Variants in TNXB observed in about 807,000 individuals in gnomAD.
TNXB encodes the protein tenascin-X.
TNXB carries 183 observed loss-of-function variants against 340.5 expected under a neutral mutation model. The ratio of observed to expected loss-of-function variants is 0.54; its 90% CI spans 0.48 to 0.61. The LOEUF (loss-of-function observed/expected upper bound fraction) is 0.61. TNXB is among the 20% of genes least tolerant of loss of function. The pLI is 0.00. For synonymous variants in TNXB, 2,121 were observed against 2,314.5 expected, an observed-to-expected ratio of 0.92 and a Z score of 2.40; for missense variants, 4,613 against 5,446.4, an observed-to-expected ratio of 0.85 and a Z score of 4.82.
chr6:32,062,106 G>A lies in TNXB; in HGVS notation c.7168+51C>T. ...CCCACCAGTCATCACCAAAGAGCAA[G>A]AGGGTGACCCTCCCATGGCTCCCAC... On this transcript the variant is annotated intron_variant, in intron 20 of 43. Coordinates refer to ENST00000644971, the MANE Select transcript of TNXB (RefSeq NM_001365276.2). The surrounding 1 kb of genome is among the most constrained non-coding windows in gnomAD (Gnocchi z 4.3). 1 of 1,569,050 alleles carries A rather than the reference G, an allele frequency of 6.4e-7. No individual in the cohort carries two copies. The highest frequency in any genetic ancestry group is 1.2e-5 in the South Asian group (1 of 84,454).
rs2127288014 is a variant in TNXB, at chr6:32,096,000, A to C, written c.1853T>G (p.Ile618Ser). ...GTGGCAGTTGGAGGGGCAGGTGCGG[A>C]TGCTGCAGTCCTCACTCACGTAGCC... is the stretch of plus-strand genomic sequence containing the variant. The part of the protein sequence containing the change: ...WEGYVSEDCS[I>S]RTCPSNCHGR... Residue 618 changes from isoleucine to serine, a missense_variant, in exon 3 of 44, where the codon ATC becomes AGC. Transcript: ENST00000644971. 6.2e-7 allele frequency: 1 copy of C among 1,612,892 alleles called. No homozygotes were observed. The highest frequency in any genetic ancestry group is 1.1e-5 in the South Asian group (1 of 91,086).
rs1353187688 is a variant in TNXB at position 32,073,887 on chromosome 6, T to C, written c.4441A>G (p.Thr1481Ala). Residue 1481 changes from threonine to alanine, a missense_variant, in exon 12 of 44, where the codon ACA becomes GCA. Transcript: ENST00000644971. This position sits in a 1 kb window ranked among gnomAD's most constrained non-coding sequence, Gnocchi z 4.6. ...SPLEPRLGEL[T>A]VTDVTPNSVG... is the part of the protein sequence containing the mutation. ...GAGTTGGGGGTCACATCTGTCACTGTCAGCTCTCCTAGGCGTGGCTCCAGC... is the reference window on the plus strand; with the variant it reads ...GAGTTGGGGGTCACATCTGTCACTGCCAGCTCTCCTAGGCGTGGCTCCAGC... 3.1e-6 allele frequency: 5 copies of C among 1,610,006 alleles called. No individual in the cohort carries two copies. The East Asian group carries it at 1.1e-4, about 36-fold the overall frequency.
rs1284902058 is a variant in TNXB at position 32,081,324 on chromosome 6, G to A, written c.4042+44C>T. 4.7e-6 allele frequency: 7 copies of A among 1,501,436 alleles called. No homozygotes were observed. In the East Asian group the frequency reaches 7.5e-5, roughly 16 times the overall value. The allele number at this position is 1,501,436 out of a possible 1,614,324, so 93.0% of individuals were successfully genotyped here. ...GAGCCCCAGCCAAGTCCCGCTCACAGGATGGGGCTAGCAGGGGAGGGAGGC... is the reference window on the plus strand; with the variant it reads ...GAGCCCCAGCCAAGTCCCGCTCACAAGATGGGGCTAGCAGGGGAGGGAGGC... On this transcript the variant is annotated intron_variant, in intron 10 of 43. Coordinates refer to ENST00000644971, the MANE Select transcript of TNXB (RefSeq NM_001365276.2). The surrounding 1 kb of genome is among the most constrained non-coding windows in gnomAD (Gnocchi z 5.1).
chr6:32,054,824 C>CCA (rs1200484401), intron 24 of TNXB, among the ~76,000 whole-genome samples: 1 of 152,232 alleles, frequency 6.6e-6, no homozygotes, highest in Admixed American at 6.5e-5. Flanking sequence ...CTCTGCCAGG[C>CCA]CACGGCTGCT....
chr6:32,080,233 T>C lies in TNXB; in HGVS notation c.4043-868A>G, dbSNP rs1779359101. ...TTTGTTTTTGTTTTTTTTTTTGAGA[T>C]GGAGTCTCACTCTGTCGCCCAGGCT... On this transcript the variant is annotated intron_variant, in intron 10 of 43. Transcript: ENST00000644971. This position sits in a 1 kb window ranked among gnomAD's most constrained non-coding sequence, Gnocchi z 4.3. Among the ~76,000 whole-genome samples, 1 of 150,726 alleles carries C rather than the reference T, an allele frequency of 6.6e-6. No homozygotes were observed. Among genetic ancestry groups the C allele is most frequent in the East Asian group, 1.9e-4 (1 of 5,144 alleles).
chr6:32,083,591 CTTT>C lies in TNXB; in HGVS notation c.3445+819_3445+821del, dbSNP rs1178966221. On this transcript the variant is annotated intron_variant, in intron 8 of 43. Coordinates refer to ENST00000644971, the MANE Select transcript of TNXB (RefSeq NM_001365276.2). The surrounding 1 kb of genome is among the most constrained non-coding windows in gnomAD (Gnocchi z 4.6). ...CCTGGGGGCTGCCTGGTACACCTTG[CTTT>C]CCTTCGCCTCCCCCATCCAGCCCCA... is the stretch of plus-strand genomic sequence containing the variant. Among the ~76,000 whole-genome samples, 7 of 152,200 alleles carry C rather than the reference CTTT, an allele frequency of 4.6e-5. No individual in the cohort carries two copies. The highest frequency in any genetic ancestry group is 1.7e-4 in the African/African-American group (7 of 41,448).
At position 32,097,320 on chromosome 6, in the gene TNXB, G is replaced by A. The variant is rs1439218404; in HGVS notation, c.533C>T (p.Ser178Phe). ...SDPTDAEIPP[S>F]SPPSASGSCP... ...GGACCCCGAGGCTGAGGGTGGGGAA[G>A]AGGGAGGGATCTCAGCATCTGTGGG... The change falls in exon 3 of 44, where the codon TCT becomes TTT. Residue 178 changes from serine to phenylalanine, a missense_variant. Around this residue, in one of 7 missense-constraint regions of TNXB, gnomAD observed 4,327 missense variants for 4,859.4 expected, o/e 0.89. Transcript: ENST00000644971. The surrounding 1 kb of genome is among the most constrained non-coding windows in gnomAD (Gnocchi z 5.9). The A allele has an allele frequency of 1.2e-6, 2 of 1,613,680 alleles. No individual in the cohort carries two copies. Among genetic ancestry groups the A allele is most frequent in the Non-Finnish European group, 1.7e-6 (2 of 1,179,868 alleles).
intron 1 of TNXB, among the ~76,000 whole-genome samples, chr6:32,107,760 T>C (rs1381094977): frequency 6.6e-6 from 1 of 151,978 alleles, no homozygotes; most frequent in African/African-American, 2.4e-5. Context: ...CCATAAAAGA[T>C]GTTCCACAGA....
rs764496099 is a variant in TNXB at position 32,053,380 on chromosome 6, A to G, written c.8791+8T>C. 18 of 1,611,310 alleles carry G rather than the reference A, an allele frequency of 1.1e-5. No homozygotes were observed. Among genetic ancestry groups the G allele is most frequent in the Non-Finnish European group, 1.5e-5 (18 of 1,179,350 alleles). On this transcript the variant is annotated splice_region_variant and intron_variant, in intron 25 of 43. Transcript: ENST00000644971. ...GGCCCCACTCTGGGGCTCCCATCGT[A>G]CACTCACCTGTCACCCCAATGACAG...
In TNXB at chr6:32,050,301, T is replaced by A; in HGVS notation, c.9136A>T (p.Thr3046Ser). 1 of 1,612,826 alleles carries A rather than the reference T, an allele frequency of 6.2e-7. No individual in the cohort carries two copies. The highest frequency in any genetic ancestry group is 8.5e-7 in the Non-Finnish European group (1 of 1,179,556). ...GTCATGGTAGGCACTGCTTGGGTGG[T>A]CTCGGCTTCATCCTTTGGAGCTGGA... ...GVTAPKDEAE[T>S]TQAVPTMTPE... Residue 3046 changes from threonine to serine, a missense_variant, in exon 27 of 44, where the codon ACC becomes TCC. This residue lies in a region of TNXB where 4,327 missense variants were observed against 4,859.4 expected (regional missense o/e 0.89). Transcript: ENST00000644971.
Position 32,090,235 on chromosome 6 carries a change from C to T in TNXB, c.2359-856G>A, listed in dbSNP as rs1780015941. The stretch of plus-strand genomic sequence containing the variant: ...GAGACTCTAATAGCTAAATGTATGG[C>T]CACATCTTGAATATATGAGATACTT... On this transcript the variant is annotated intron_variant, in intron 4 of 43. Coordinates refer to ENST00000644971, the MANE Select transcript of TNXB (RefSeq NM_001365276.2). This position sits in a 1 kb window ranked among gnomAD's most constrained non-coding sequence, Gnocchi z 4.3. 6.6e-6 allele frequency among the ~76,000 whole-genome samples: 1 copy of T among 152,186 alleles called. No individual in the cohort carries two copies. The highest frequency in any genetic ancestry group is 1.5e-5 in the Non-Finnish European group (1 of 68,040).
In TNXB at chr6:32,084,527, G is replaced by T. The variant is rs751770127; in HGVS notation, c.3331C>A (p.Pro1111Thr). ...GQPQVVPVEG[P>T]QRSAVITSLD... ...GAGGTGATGACGGCCGAGCGCTGGG[G>T]TCCTTCCACGGGCACCACCTGGGGC... The change falls in exon 8 of 44, where the codon CCC becomes ACC. Residue 1111 changes from proline to threonine, a missense_variant. By Grantham distance (38) the Pro-to-Thr change is conservative. This residue lies in a region of TNXB where 4,327 missense variants were observed against 4,859.4 expected (regional missense o/e 0.89). Transcript: ENST00000644971. The surrounding 1 kb of genome is among the most constrained non-coding windows in gnomAD (Gnocchi z 5.5). 6.2e-7 allele frequency: 1 copy of T among 1,609,028 alleles called. No homozygotes were observed. The highest frequency in any genetic ancestry group is 1.7e-5 in the Admixed American group (1 of 60,006).
rs115521560 is a variant in TNXB, at chr6:32,051,605, A to C, written c.9115+1065T>G. Among the ~76,000 whole-genome samples the C allele has an allele frequency of 0.029, 4,411 of 152,232 alleles. 95 individuals are homozygous for C. The highest frequency in any genetic ancestry group is 0.04 in the Non-Finnish European group (2,689 of 68,010). ...GTAAAACGAAACATTATTCAGCCTG[A>C]AAAGGAAGGAAGTTCTGGCCAGGTG... On this transcript the variant is annotated intron_variant, in intron 26 of 43. Coordinates refer to ENST00000644971, the MANE Select transcript of TNXB (RefSeq NM_001365276.2). This position sits in a 1 kb window ranked among gnomAD's most constrained non-coding sequence, Gnocchi z 4.7.
At position 32,089,008 on chromosome 6, in the gene TNXB, T is replaced by C. The variant is rs1582459714; in HGVS notation, c.2556A>G (p.Thr852=). ...GCCAGCCAAGCTCCAGTGTTGTCGG[T>C]GTCACAGCCACCACTCGGAGGTCCT... ...GPQDLRVVAV[T]PTTLELGWLR... is the part of the protein sequence containing the mutation. The change falls in exon 6 of 44, where the codon ACA becomes ACG. Residue 852 remains threonine, a synonymous_variant. Coordinates refer to ENST00000644971, the MANE Select transcript of TNXB (RefSeq NM_001365276.2). The surrounding 1 kb of genome is among the most constrained non-coding windows in gnomAD (Gnocchi z 6.2). 6.2e-7 allele frequency: 1 copy of C among 1,610,824 alleles called. No homozygotes were observed. Among genetic ancestry groups the C allele is most frequent in the East Asian group, 2.2e-5 (1 of 44,844 alleles).
Position 32,082,114 on chromosome 6 carries a change from C to G in TNXB, c.3658G>C (p.Asp1220His), listed in dbSNP as rs1779496382. 6.2e-7 allele frequency: 1 copy of G among 1,611,316 alleles called. No homozygotes were observed. Residue 1220 changes from aspartate to histidine, a missense_variant, in exon 9 of 44, where the codon GAC becomes CAC. Coordinates refer to ENST00000644971, the MANE Select transcript of TNXB (RefSeq NM_001365276.2). The surrounding 1 kb of genome is among the most constrained non-coding windows in gnomAD (Gnocchi z 5.0). ...RSFVVSSLDPDHKYRFTLFGI... is the reference protein window; with the variant it reads ...RSFVVSSLDPHHKYRFTLFGI... ...AACAGAGTGAATCTGTACTTGTGGT[C>G]AGGGTCCAGTGAGGAGACAACAAAT...
intron 6 of TNXB, among the ~76,000 whole-genome samples, chr6:32,086,690 A>T (rs1779798897): frequency 6.6e-6 from 1 of 152,180 alleles, no homozygotes; most frequent in Non-Finnish European, 1.5e-5. Context: ...ACCAGCATAA[A>T]GTGAGCCAGG....
chr6:32,062,278 C>T lies in TNXB; in HGVS notation c.7047G>A (p.Val2349=), dbSNP rs1419683599. ...TGGTGACCCTGTCCTCATGTCCTGGCACCCGTGTTGCCTTGGGCTGCCCAT... is the reference window on the plus strand; with the variant it reads ...TGGTGACCCTGTCCTCATGTCCTGGTACCCGTGTTGCCTTGGGCTGCCCAT... ...NGDGQPKATR[V]PGHEDRVTIS... is the part of the protein sequence containing the mutation. The change falls in exon 20 of 44, where the codon GTG becomes GTA. Residue 2349 remains valine, a synonymous_variant. Coordinates refer to ENST00000644971, the MANE Select transcript of TNXB (RefSeq NM_001365276.2). This position sits in a 1 kb window ranked among gnomAD's most constrained non-coding sequence, Gnocchi z 4.3. 9 of 1,613,248 alleles carry T rather than the reference C, an allele frequency of 5.6e-6. No homozygotes were observed. The highest frequency in any genetic ancestry group is 1.7e-5 in the Admixed American group (1 of 59,994).
rs1358046124 is a variant in TNXB at position 32,097,570 on chromosome 6, C to T, written c.404-121G>A. On this transcript the variant is annotated intron_variant, in intron 2 of 43. Transcript: ENST00000644971. The surrounding 1 kb of genome is among the most constrained non-coding windows in gnomAD (Gnocchi z 5.9). ...GCCTCATCTCATAAGGCCATGTCTG[C>T]TCCCAGTTGCTAGTATGTGTAATGT... The T allele has an allele frequency of 3.2e-6, 4 of 1,268,894 alleles. No homozygotes were observed. The highest frequency in any genetic ancestry group is 3.0e-5 in the African/African-American group (2 of 66,902). The allele number at this position is 1,268,894 out of a possible 1,614,324, so 78.6% of individuals were successfully genotyped here. A position where few individuals can be genotyped will look rare whatever the true frequency, so the allele number is the denominator to read the frequency against.
rs762169771 is a variant in TNXB at position 32,067,884 on chromosome 6, G to A, written c.6321C>T (p.Ser2107=). ...LLGELTVTGS[S]PDSLSLSWTV... ...TCCAGGAGAGGCTCAGCGAGTCAGG[G>A]GAGGATCCTGTCACTGTTAGCTCCC... The change falls in exon 18 of 44, where the codon TCC becomes TCT. Residue 2107 remains serine, a synonymous_variant. Coordinates refer to ENST00000644971, the MANE Select transcript of TNXB (RefSeq NM_001365276.2). The surrounding 1 kb of genome is among the most constrained non-coding windows in gnomAD (Gnocchi z 4.2). The A allele has an allele frequency of 1.4e-5, 22 of 1,612,732 alleles. No homozygotes were observed. Among genetic ancestry groups the A allele is most frequent in the Non-Finnish European group, 1.6e-5 (19 of 1,179,878 alleles).
Sources: gnomAD v4.1 joint callset for allele counts (sites outside exome capture counted in the v4.1 genomes callset) on GRCh38, gnomAD v4.1.1 for gene constraint, gnomAD v4.1.1 regional missense constraint, Gnocchi (gnomAD v3.1) non-coding constraint, MANE v1.5 for transcripts, NCBI Gene and HGNC (gene_info 2026-07-23, HGNC 2026-07-21) for gene names.